The following MTFR1L variants were observed in gnomAD, a reference collection of about 807,000 sequenced individuals.
MTFR1L encodes mitochondrial fission regulator 1 like, also known as mitochondrial fission regulator 1-like.
MTFR1L carries 10 observed loss-of-function variants against 27.9 expected under a neutral mutation model. That is an observed-to-expected ratio of 0.36 (90% confidence interval 0.22 to 0.61). The LOEUF (loss-of-function observed/expected upper bound fraction) is 0.61, where lower values mean the gene tolerates loss of function less well. Among genes scored for constraint, MTFR1L ranks in the 20% least tolerant of loss-of-function variants. The pLI, the probability that MTFR1L is intolerant of heterozygous loss-of-function variation, is 0.73. For missense variants in MTFR1L, 315 were observed against 363.7 expected, an observed-to-expected ratio of 0.87 and a Z score of 1.09; for synonymous variants, 151 against 139.4, an observed-to-expected ratio of 1.08 and a Z score of -0.58.
chr1:25,822,949 T>C (rs989598615), intron 1 of MTFR1L, 70 bp from the exon 2 acceptor site: 3 of 1,378,320 alleles, frequency 2.2e-6, no homozygotes, highest in Non-Finnish European at 3.1e-6. Context: ...TTTTTGGGGC[T>C]TGTGTGGTGA....
intron 1 of MTFR1L, chr1:25,821,088 C>G (rs1557439893): frequency 3.9e-6 from 1 of 256,184 alleles, no homozygotes; most frequent in Non-Finnish European, 7.6e-6. Flanking sequence ...GCGTGCAGGC[C>G]TTGGTGCTCA....
chr1:25,823,425 C>T, intron 2 of MTFR1L: 1 of 760,254 alleles, frequency 1.3e-6, no homozygotes, highest in Non-Finnish European at 2.3e-6. Context: ...ACATTGACTG[C>T]CTTAGCAGCA....
Position 25,832,828 on chromosome 1 carries a change from C to T in MTFR1L, c.*802C>T, listed in dbSNP as rs920904856. ...GGGCTGGGCCAAGGTTTGTATGTAC[C>T]ACACCATGCATGACTCAGATGCCCT... On this transcript the variant is annotated 3_prime_UTR_variant, in exon 7 of 7. Coordinates refer to ENST00000374303, the MANE Select transcript of MTFR1L (RefSeq NM_001099625.2). 6.5e-6 allele frequency: 1 copy of T among 154,898 alleles called. No homozygotes were observed. Among genetic ancestry groups the T allele is most frequent in the Admixed American group, 6.3e-5 (1 of 15,826 alleles). The allele number at this position is 154,898 out of a possible 1,614,324, so 9.6% of individuals were successfully genotyped here. A position where few individuals can be genotyped will look rare whatever the true frequency, so the allele number is the denominator to read the frequency against.
rs1370216526 is a variant in MTFR1L, at chr1:25,832,197, CAAACCCTAGCAGAAGCT to C, written c.*174_*190del. 3 of 1,530,784 alleles carry C rather than the reference CAAACCCTAGCAGAAGCT, an allele frequency of 2.0e-6. No individual in the cohort carries two copies. The highest frequency in any genetic ancestry group is 2.0e-5 in the Admixed American group (1 of 51,018). The allele number at this position is 1,530,784 out of a possible 1,614,324, so 94.8% of individuals were successfully genotyped here. ...GCTGGATTATATATTTCCCAGACTT[CAAACCCTAGCAGAAGCT>C]AAGGCTTGTGATTTGACCTGAGACA... On this transcript the variant is annotated 3_prime_UTR_variant, in exon 7 of 7. Coordinates refer to ENST00000374303, the MANE Select transcript of MTFR1L (RefSeq NM_001099625.2).
chr1:25,826,605 C>T lies in MTFR1L; in HGVS notation c.240-10C>T. 1 of 1,614,112 alleles carries T rather than the reference C, an allele frequency of 6.2e-7. No individual in the cohort carries two copies. The highest frequency in any genetic ancestry group is 2.2e-5 in the East Asian group (1 of 44,870). ...TCTCTAACTGATCTACTTGGTTTTC[C>T]CTGGTCCAGGAGTGATACGCGCCCC... is the stretch of plus-strand genomic sequence containing the variant. On this transcript the variant is annotated splice_polypyrimidine_tract_variant and intron_variant, in intron 4 of 6. Transcript: ENST00000374303. This position sits in a 1 kb window ranked among gnomAD's most constrained non-coding sequence, Gnocchi z 4.1.
chr1:25,827,319 A>G (rs1381338351), intron 5 of MTFR1L, among the ~76,000 whole-genome samples: 2 of 151,496 alleles, frequency 1.3e-5, no homozygotes, highest in South Asian at 2.1e-4. Flanking sequence ...TATTTTTAGT[A>G]GAGACAGAGT....
chr1:25,827,426 G>A (rs528946637), intron 5 of MTFR1L, among the ~76,000 whole-genome samples: 54 of 151,454 alleles, frequency 3.6e-4, no homozygotes, highest in Non-Finnish European at 7.2e-4. Flanking sequence ...GTGAGCCACC[G>A]AGCCCAGCCA....
intron 1 of MTFR1L, chr1:25,821,715 C>T (rs1420707373): frequency 6.6e-6 from 1 of 152,440 alleles, no homozygotes; most frequent in East Asian, 1.9e-4. Context: ...ATGTCCTTCA[C>T]CTTCTTGTGC....
chr1:25,831,838 G>C (rs1330111696), intron 6 of MTFR1L, 83 bp from the exon 7 acceptor site: 12 of 1,117,988 alleles, frequency 1.1e-5, no homozygotes, highest in Non-Finnish European at 1.6e-5. Flanking sequence ...ATTGTTGTGA[G>C]GATTCAACGA....
rs534363644 is a variant in MTFR1L at position 25,826,963 on chromosome 1, C to T, written c.451+137C>T. The T allele has an allele frequency of 2.1e-6, 2 of 960,768 alleles. No homozygotes were observed. Among genetic ancestry groups the T allele is most frequent in the Non-Finnish European group, 3.1e-6 (2 of 645,924 alleles). 59.5% of individuals were successfully genotyped at this position (960,768 alleles called of 1,614,324 possible). A position where few individuals can be genotyped will look rare whatever the true frequency, so the allele number is the denominator to read the frequency against. On this transcript the variant is annotated intron_variant, in intron 5 of 6. Coordinates refer to ENST00000374303, the MANE Select transcript of MTFR1L (RefSeq NM_001099625.2). The surrounding 1 kb of genome is among the most constrained non-coding windows in gnomAD (Gnocchi z 4.1). ...TCCGGGCCCTGGGGTTGTCCTGAAG[C>T]CTGGCTAGCCAGTAGTGCCTCTTAG... is the stretch of plus-strand genomic sequence containing the variant.
At chr1:25,822,549 CG>C (rs2048109150) in intron 1 of MTFR1L, 1 of 122,012 alleles carries the variant, frequency 8.2e-6, no homozygotes, top group Non-Finnish European at 1.6e-5. Context: ...TTTTTTGAGA[CG>C]GAGTCTCGCT....
intron 1 of MTFR1L, 111 bp downstream of exon 1, chr1:25,820,140 G>A: frequency 2.2e-6 from 1 of 450,574 alleles, no homozygotes; most frequent in Admixed American, 2.4e-5. Context: ...CTGTTCCCGC[G>A]CGAGTTCTCG....
chr1:25,830,380 T>A (rs1369856564), intron 6 of MTFR1L, among the ~76,000 whole-genome samples: 2 of 152,246 alleles, frequency 1.3e-5, no homozygotes. Flanking sequence ...TTGCTCAGAT[T>A]TGTTAAAAAT....
At position 25,823,030 on chromosome 1, in the gene MTFR1L, TGAA is replaced by T; in HGVS notation, c.-73_-71del. ...TGGTGCTCCTCCAGATGGCCTGATATGAAGGAGTCACGCCTCCCGCCTCCCGGA... is the reference window on the plus strand; with the variant it reads ...TGGTGCTCCTCCAGATGGCCTGATATGGAGTCACGCCTCCCGCCTCCCGGA... On this transcript the variant is annotated 5_prime_UTR_variant, in exon 2 of 7. Coordinates refer to ENST00000374303, the MANE Select transcript of MTFR1L (RefSeq NM_001099625.2). 1 of 1,613,684 alleles carries T rather than the reference TGAA, an allele frequency of 6.2e-7. No homozygotes were observed.
intron 2 of MTFR1L, 156 bp downstream of exon 2, chr1:25,823,284 G>C (rs1259908463): frequency 7.4e-6 from 6 of 809,756 alleles, no homozygotes; most frequent in Non-Finnish European, 1.3e-5. Flanking sequence ...CTCCCCCTAA[G>C]AAGAACCAAC....
rs924429734 is a variant in MTFR1L, at chr1:25,823,398, C to G, written c.25-246C>G. ...TCTACACTCAGCTACTTCCTCTCCC[C>G]TTCCCTGACCCTCCCAACATTGACT... On this transcript the variant is annotated intron_variant, in intron 2 of 6. Transcript: ENST00000374303. 4.1e-6 allele frequency: 3 copies of G among 730,414 alleles called. No individual in the cohort carries two copies. In the Admixed American group the frequency reaches 6.0e-5, roughly 15 times the overall value. 45.2% of individuals were successfully genotyped at this position (730,414 alleles called of 1,614,324 possible).
intron 2 of MTFR1L, chr1:25,823,440 G>A: frequency 1.3e-6 from 1 of 796,192 alleles, no homozygotes; most frequent in Non-Finnish European, 2.1e-6. Context: ...GCAGCAGCAG[G>A]TATTCCCTTG....
At position 25,819,997 on chromosome 1, in the gene MTFR1L, T is replaced by C; in HGVS notation, c.-119T>C. On this transcript the variant is annotated 5_prime_UTR_variant, in exon 1 of 7. Coordinates refer to ENST00000374303, the MANE Select transcript of MTFR1L (RefSeq NM_001099625.2). ...CGGCCCAAGGTGGAAGGAGGGGCCG[T>C]GAGGTGAGAGAGTCCGGGAGCCCGA... 2.9e-6 allele frequency: 1 copy of C among 339,636 alleles called. No homozygotes were observed. Among genetic ancestry groups the C allele is most frequent in the Non-Finnish European group, 5.7e-6 (1 of 176,234 alleles). The allele number at this position is 339,636 out of a possible 1,614,324, so 21.0% of individuals were successfully genotyped here. A position where few individuals can be genotyped will look rare whatever the true frequency, so the allele number is the denominator to read the frequency against.
In MTFR1L at chr1:25,826,459, A is replaced by G. The variant is rs756796954; in HGVS notation, c.239+48A>G. On this transcript the variant is annotated intron_variant, in intron 4 of 6. Coordinates refer to ENST00000374303, the MANE Select transcript of MTFR1L (RefSeq NM_001099625.2). This position sits in a 1 kb window ranked among gnomAD's most constrained non-coding sequence, Gnocchi z 4.1. ...TGCTAAGGAATGGAGAACTTCCCAG[A>G]AGAGGTGGCAGGCAGCAAGGAGAGA... 1 of 1,603,664 alleles carries G rather than the reference A, an allele frequency of 6.2e-7. No homozygotes were observed.
Sources: gnomAD v4.1 joint callset for allele counts (sites outside exome capture counted in the v4.1 genomes callset) on GRCh38, gnomAD v4.1.1 for gene constraint, Gnocchi (gnomAD v3.1) non-coding constraint, MANE v1.5 for transcripts, NCBI Gene and HGNC (gene_info 2026-07-23, HGNC 2026-07-21) for gene names.